The following ROBO1 variants were observed in gnomAD, a reference collection of about 807,000 sequenced individuals.
The protein encoded by ROBO1 is roundabout guidance receptor 1.
ROBO1 carries 149 observed loss-of-function variants against 195.9 expected under a neutral mutation model. That is an observed-to-expected ratio of 0.76 (90% CI 0.67 to 0.87). The LOEUF is 0.87. ROBO1 is among the 40% of genes least tolerant of loss of function. ROBO1 has a pLI of 0.00. For missense variants in ROBO1, 1,933 were observed against 2,068.3 expected (o/e 0.93, Z 1.27); for synonymous variants, 816 against 733.2 (o/e 1.11, Z -1.82).
intron 1 of ROBO1, among the ~76,000 whole-genome samples, chr3:79,607,987 G>A (rs1243323791): frequency 1.3e-5 from 2 of 151,966 alleles, no homozygotes; most frequent in African/African-American, 4.8e-5. Flanking sequence ...TCACGTTTAT[G>A]CTGTATGTAT....
At chr3:79,276,052 A>G (rs1259545241) in intron 2 of ROBO1, among the ~76,000 whole-genome samples, 1 of 152,064 alleles carries the variant, frequency 6.6e-6, no homozygotes, top group Non-Finnish European at 1.5e-5. Context: ...TATTCCCCAA[A>G]CCAATCTACA....
rs1348499503 is a variant in ROBO1 at position 78,947,077 on chromosome 3, G to A, written c.173-8150C>T. 2.0e-5 allele frequency among the ~76,000 whole-genome samples: 3 copies of A among 151,980 alleles called. No homozygotes were observed. The South Asian group carries it at 6.2e-4, about 31-fold the overall frequency. ...AGACTCCCACACAATAATAATGGGA[G>A]ATTTTAACACCCCACTATCAACATT... On this transcript the variant is annotated intron_variant, in intron 3 of 30. Transcript: ENST00000464233.
chr3:79,470,283 C>T (rs927152636), intron 2 of ROBO1, among the ~76,000 whole-genome samples: 1 of 152,120 alleles, frequency 6.6e-6, no homozygotes, highest in East Asian at 1.9e-4. Flanking sequence ...AGCTGGAAAC[C>T]ATCATTCTCA....
At position 78,617,914 on chromosome 3, in the gene ROBO1, C is replaced by G; in HGVS notation, c.4003G>C (p.Asp1335His). Reference sequence around the variant, plus strand: ...GTTTGCATCTTGGCTACCTCCATGTCGGCTTCGTCTTCTTCCTCTTCTGGC... The same window carrying G: ...GTTTGCATCTTGGCTACCTCCATGTGGGCTTCGTCTTCTTCCTCTTCTGGC... ...DAPEEEEDEADMEVAKMQTRR... is the reference protein window; with the variant it reads ...DAPEEEEDEAHMEVAKMQTRR... Residue 1335 changes from aspartate to histidine, a missense_variant, in exon 27 of 31, where the codon GAC becomes CAC. Physicochemically the swap from Asp to His is moderately conservative, Grantham distance 81. Coordinates refer to ENST00000464233, the MANE Select transcript of ROBO1 (RefSeq NM_002941.4). 2 of 1,613,992 alleles carry G rather than the reference C, an allele frequency of 1.2e-6. No homozygotes were observed.
intron 3 of ROBO1, among the ~76,000 whole-genome samples, chr3:79,025,708 G>A (rs1179096423): frequency 6.6e-6 from 1 of 152,096 alleles, no homozygotes; most frequent in African/African-American, 2.4e-5. Context: ...CAAAATCAAA[G>A]TTCTGATTAA....
At position 79,045,117 on chromosome 3, in the gene ROBO1, A is replaced by T. The variant is rs151131839; in HGVS notation, c.172+80339T>A. ...ATGATCTGATCCTTGAAATGAAAGAATGATGCCAAAATAAAAAATAAACCC... is the reference window on the plus strand; with the variant it reads ...ATGATCTGATCCTTGAAATGAAAGATTGATGCCAAAATAAAAAATAAACCC... On this transcript the variant is annotated intron_variant, in intron 3 of 30. Transcript: ENST00000464233. 3.7e-3 allele frequency among the ~76,000 whole-genome samples: 568 copies of T among 152,148 alleles called. 5 individuals carry two copies. Among genetic ancestry groups the T allele is most frequent in the African/African-American group, 0.012 (510 of 41,524 alleles).
chr3:79,501,889 T>A (rs2107502535), intron 2 of ROBO1, among the ~76,000 whole-genome samples: 1 of 152,368 alleles, frequency 6.6e-6, no homozygotes, highest in East Asian at 1.9e-4. Context: ...TGTCCCTCTT[T>A]ATTTTAGTCC....
intron 2 of ROBO1, among the ~76,000 whole-genome samples, chr3:79,556,363 T>A (rs907462394): frequency 3.3e-5 from 5 of 152,090 alleles, no homozygotes; most frequent in Admixed American, 2.6e-4. Flanking sequence ...ATAGATCCGC[T>A]AGTTGTTCAT....
intron 4 of ROBO1, among the ~76,000 whole-genome samples, chr3:78,884,918 A>G (rs890583225): frequency 1.4e-5 from 2 of 145,750 alleles, no homozygotes; most frequent in Non-Finnish European, 3.0e-5. Flanking sequence ...TGTTCTCATC[A>G]TGAAACTCAA....
intron 2 of ROBO1, among the ~76,000 whole-genome samples, chr3:79,515,882 C>T (rs751360546): frequency 3.3e-5 from 5 of 152,124 alleles, no homozygotes; most frequent in Admixed American, 2.6e-4. Flanking sequence ...TCTTTTGCAA[C>T]TTTGCATCAG....
chr3:79,151,822 C>T (rs1260117930), intron 2 of ROBO1, among the ~76,000 whole-genome samples: 3 of 151,688 alleles, frequency 2.0e-5, no homozygotes, highest in African/African-American at 7.3e-5. Flanking sequence ...CTGGAACTCA[C>T]CACTCTTGTC....
chr3:79,465,402 A>G (rs1448477667), intron 2 of ROBO1, among the ~76,000 whole-genome samples: 1 of 152,150 alleles, frequency 6.6e-6, no homozygotes, highest in African/African-American at 2.4e-5. Context: ...TTTGTTGGTT[A>G]CGCATTTTTG....
intron 1 of ROBO1, among the ~76,000 whole-genome samples, chr3:79,692,813 A>C (rs971733479): frequency 6.6e-6 from 1 of 151,844 alleles, no homozygotes; most frequent in South Asian, 2.1e-4. Flanking sequence ...TGGGACAAGA[A>C]GTGTGTTGGG....
chr3:78,938,929 T>A lies in ROBO1; in HGVS notation c.173-2A>T. On this transcript the variant is annotated splice_acceptor_variant, in intron 3 of 30. Transcript: ENST00000464233. LOFTEE classifies it high-confidence loss of function. ...AATCTTCCTGACGAAGACGGGAGCCTGCAGAAGAATTCACAAAATATCTTC... is the reference window on the plus strand; with the variant it reads ...AATCTTCCTGACGAAGACGGGAGCCAGCAGAAGAATTCACAAAATATCTTC... The A allele has an allele frequency of 6.3e-7, 1 of 1,595,860 alleles. No individual in the cohort carries two copies. The highest frequency in any genetic ancestry group is 8.5e-7 in the Non-Finnish European group (1 of 1,171,824).
At chr3:79,500,500 CCT>C (rs746442106) in intron 2 of ROBO1, among the ~76,000 whole-genome samples, 3 of 152,250 alleles carry the variant, frequency 2.0e-5, no homozygotes, top group African/African-American at 4.8e-5. Flanking sequence ...TTCTTGTTTT[CCT>C]CTTTCATTGC....
At chr3:79,263,456 C>G (rs976986557) in intron 2 of ROBO1, among the ~76,000 whole-genome samples, 1 of 151,980 alleles carries the variant, frequency 6.6e-6, no homozygotes, top group Non-Finnish European at 1.5e-5. Context: ...CCAGACTAGT[C>G]TGGTCAACAT....
intron 3 of ROBO1, among the ~76,000 whole-genome samples, chr3:79,068,026 G>C (rs1317834700): frequency 6.6e-6 from 1 of 151,930 alleles, no homozygotes; most frequent in African/African-American, 2.4e-5. Context: ...GAGGAAAAGA[G>C]AGCATGTGTG....
chr3:79,159,288 T>C (rs1292214505), intron 2 of ROBO1, among the ~76,000 whole-genome samples: 1 of 151,996 alleles, frequency 6.6e-6, no homozygotes, highest in African/African-American at 2.4e-5. Flanking sequence ...ATCAATTTTA[T>C]TTCCAAAGGG....
intron 10 of ROBO1, among the ~76,000 whole-genome samples, chr3:78,674,736 T>C (rs1708290771): frequency 6.6e-6 from 1 of 152,348 alleles, no homozygotes. Flanking sequence ...GATAACGTCA[T>C]GTCAGTTGGC....
Sources: allele counts gnomAD v4.1 joint callset (sites outside exome capture counted in the v4.1 genomes callset), GRCh38; gene constraint gnomAD v4.1.1; transcripts MANE v1.5; gene names NCBI Gene and HGNC (gene_info 2026-07-23, HGNC 2026-07-21).